Variants in CLVS1 observed in about 807,000 individuals in gnomAD.
CLVS1 encodes clavesin-1.
A neutral mutation model predicts 33.1 loss-of-function variants in CLVS1; 10 were observed. The observed-to-expected ratio is 0.30, with a 90% CI of 0.19 to 0.51. The LOEUF is 0.51. Among genes scored for constraint, CLVS1 ranks in the 20% least tolerant of loss-of-function variants. The pLI, the probability that CLVS1 is intolerant of heterozygous loss-of-function variation, is 0.97. For synonymous variants in CLVS1, 163 were observed against 166.1 expected (o/e 0.98, Z 0.14); for missense variants, 343 against 433.4 (o/e 0.79, Z 1.85).
intron 3 of CLVS1, among the ~76,000 whole-genome samples, chr8:61,397,102 A>G (rs1814556751): frequency 6.6e-6 from 1 of 152,136 alleles, no homozygotes; most frequent in South Asian, 2.1e-4. Flanking sequence ...ACATTTTGAG[A>G]AACTGTCAAA....
intron 1 of CLVS1, among the ~76,000 whole-genome samples, chr8:61,101,174 C>G (rs1416736236): frequency 1.3e-5 from 2 of 152,192 alleles, no homozygotes; most frequent in African/African-American, 4.8e-5. Flanking sequence ...AAGACTTTTT[C>G]TAAAGTGACT....
At chr8:60,990,833 C>G in the CLVS1 span, among the ~76,000 whole-genome samples, 12 of 151,840 alleles carry the variant, frequency 7.9e-5, no homozygotes, top group Non-Finnish European at 1.2e-4. Flanking sequence ...CTCAGCCTCC[C>G]GAATAGCTGG....
intron 1 of CLVS1, among the ~76,000 whole-genome samples, chr8:61,110,512 A>T (rs568291524): frequency 9.4e-5 from 14 of 149,546 alleles, no homozygotes; most frequent in African/African-American, 2.2e-4. Context: ...AGTGGGATTT[A>T]AAAAAAAAAG....
At chr8:61,002,487 C>T in the CLVS1 span, among the ~76,000 whole-genome samples, 1 of 151,974 alleles carries the variant, frequency 6.6e-6, no homozygotes, top group Admixed American at 6.6e-5. Flanking sequence ...TGCCACCATG[C>T]CCGGCTAAAT....
At chr8:61,404,727 T>C (rs1814915044) in intron 3 of CLVS1, among the ~76,000 whole-genome samples, 1 of 152,190 alleles carries the variant, frequency 6.6e-6, no homozygotes, top group Admixed American at 6.5e-5. Context: ...TCCAGGCCAG[T>C]TGCATATTGT....
At chr8:61,383,304 A>G (rs927978581) in intron 3 of CLVS1, among the ~76,000 whole-genome samples, 6 of 152,328 alleles carry the variant, frequency 3.9e-5, no homozygotes, top group African/African-American at 1.4e-4. Flanking sequence ...TCCTTTCCCA[A>G]TGCCTTTGCA....
Position 61,244,852 on chromosome 8 carries a change from T to A in CLVS1, c.-151-54825T>A, listed in dbSNP as rs567586605. Among the ~76,000 whole-genome samples the A allele has an allele frequency of 1.4e-3, 212 of 152,118 alleles. 2 individuals carry two copies. Among genetic ancestry groups the A allele is most frequent in the Admixed American group, 0.013 (196 of 15,286 alleles). ...AAAATTTTTATTTATTCATTAAAAATTTTTTTTACTACATTGTAACAAAAC... is the reference window on the plus strand; with the variant it reads ...AAAATTTTTATTTATTCATTAAAAAATTTTTTTACTACATTGTAACAAAAC... On this transcript the variant is annotated intron_variant, in intron 2 of 2. Transcript: ENST00000522621.
chr8:61,023,036 G>T, the CLVS1 span, among the ~76,000 whole-genome samples: 4 of 152,146 alleles, frequency 2.6e-5, no homozygotes, highest in Admixed American at 2.6e-4. Flanking sequence ...ATGTTGCAGC[G>T]CCCGAATTTG....
At chr8:61,431,172 T>A (rs1816097920) in intron 3 of CLVS1, among the ~76,000 whole-genome samples, 1 of 152,214 alleles carries the variant, frequency 6.6e-6, no homozygotes, top group Non-Finnish European at 1.5e-5. Flanking sequence ...AGTCCAAAAC[T>A]TCCTCATGTG....
At chr8:61,195,171 G>A (rs1807576290) in intron 2 of CLVS1, among the ~76,000 whole-genome samples, 1 of 151,820 alleles carries the variant, frequency 6.6e-6, no homozygotes. Context: ...AAGTAGTGGA[G>A]CAAATAACAA....
chr8:61,264,769 C>G (rs985230332), intron 2 of CLVS1: 4 of 152,172 alleles, frequency 2.6e-5, no homozygotes, highest in African/African-American at 9.7e-5. Context: ...GTTTCCAGTT[C>G]CCCCTTCTCT....
chr8:61,091,413 A>G (rs1248792510), intron 1 of CLVS1, among the ~76,000 whole-genome samples: 2 of 152,238 alleles, frequency 1.3e-5, no homozygotes, highest in Non-Finnish European at 2.9e-5. Flanking sequence ...GGAATTTGTC[A>G]TAGCAACAGT....
At chr8:61,355,049 G>A (rs1188358380) in intron 2 of CLVS1, among the ~76,000 whole-genome samples, 1 of 152,118 alleles carries the variant, frequency 6.6e-6, no homozygotes. Flanking sequence ...TCCTAACTAT[G>A]AAGTTGGTTC....
At chr8:61,447,242 G>C (rs1468101919) in intron 3 of CLVS1, among the ~76,000 whole-genome samples, 1 of 151,952 alleles carries the variant, frequency 6.6e-6, no homozygotes, top group East Asian at 1.9e-4. Flanking sequence ...ACTAGCTTTT[G>C]CTTTGCATAT....
chr8:61,324,840 A>G (rs1324436012), intron 2 of CLVS1, among the ~76,000 whole-genome samples: 1 of 152,130 alleles, frequency 6.6e-6, no homozygotes, highest in Non-Finnish European at 1.5e-5. Context: ...ACTCCTACCA[A>G]CAGTGTACAA....
intron 2 of CLVS1, among the ~76,000 whole-genome samples, chr8:61,207,303 G>GATGTGCAGAGGTGCATGGGCTCCAGGA (rs1202264560): frequency 6.6e-6 from 1 of 152,054 alleles, no homozygotes; most frequent in African/African-American, 2.4e-5. Flanking sequence ...GGGCTCCAGT[G>GATGTGCAGAGGTGCATGGGCTCCAGGA]ATGTGCAGAG....
intron 2 of CLVS1, among the ~76,000 whole-genome samples, chr8:61,184,656 A>C (rs1468229180): frequency 6.6e-6 from 1 of 152,124 alleles, no homozygotes; most frequent in Non-Finnish European, 1.5e-5. Context: ...GAATTTCCTC[A>C]TTATCTTTCC....
chr8:61,420,598 T>A (rs1374048156), intron 3 of CLVS1, among the ~76,000 whole-genome samples: 1 of 143,316 alleles, frequency 7.0e-6, no homozygotes, highest in African/African-American at 2.6e-5. Context: ...CGAGATTCCA[T>A]CTCAAAAATA....
chr8:61,288,266 T>G, intron 1 of CLVS1, 128 bp downstream of exon 1: 2 of 456,590 alleles, frequency 4.4e-6, no homozygotes, highest in Non-Finnish European at 4.4e-6. Context: ...GCAATCCCTC[T>G]GCACTCCATC....
Sources: allele counts gnomAD v4.1 joint callset (sites outside exome capture counted in the v4.1 genomes callset), GRCh38; gene constraint gnomAD v4.1.1; transcripts MANE v1.5; gene names NCBI Gene and HGNC (gene_info 2026-07-23, HGNC 2026-07-21).